Variants in RANBP10 observed in about 807,000 individuals in gnomAD.
The protein encoded by RANBP10 is ran-binding protein 10.
Under a neutral mutation model 72.8 loss-of-function variants are expected in RANBP10, and 24 were observed. That is an observed-to-expected ratio of 0.33 (90% CI 0.24 to 0.46). RANBP10 has a LOEUF of 0.46. Ranked by LOEUF, RANBP10 falls within the 20% of genes least tolerant of loss-of-function variation. RANBP10 has a pLI of 1.00. For missense variants in RANBP10, 679 were observed against 817.5 expected, an observed-to-expected ratio of 0.83 and a Z score of 2.07; for synonymous variants, 310 against 322.3, an observed-to-expected ratio of 0.96 and a Z score of 0.41.
At chr16:67,799,073 G>A (rs2055185637) in intron 2 of RANBP10, among the ~76,000 whole-genome samples, 1 of 149,878 alleles carries the variant, frequency 6.7e-6, no homozygotes, top group South Asian at 2.1e-4. Flanking sequence ...TTACAGGCAT[G>A]CACCACCACT....
At chr16:67,769,935 T>C (rs1156358408) in intron 3 of RANBP10, among the ~76,000 whole-genome samples, 2 of 151,166 alleles carry the variant, frequency 1.3e-5, no homozygotes, top group Non-Finnish European at 2.9e-5. Context: ...TATGGTAGCT[T>C]GTATCTGTAG....
At chr16:67,774,384 G>A (rs8049896) in intron 2 of RANBP10, among the ~76,000 whole-genome samples, 5,559 of 152,278 alleles carry the variant, frequency 0.037, 330 homozygotes, top group African/African-American at 0.13. Context: ...AACATTCTAT[G>A]GGAATGGGGA....
chr16:67,748,388 T>C (rs1042437699), intron 3 of RANBP10, among the ~76,000 whole-genome samples: 2 of 151,312 alleles, frequency 1.3e-5, no homozygotes, highest in African/African-American at 4.9e-5. Flanking sequence ...CCGGGCGTGG[T>C]GGCGGGCGCC....
At chr16:67,798,911 C>G (rs986155954) in intron 2 of RANBP10, among the ~76,000 whole-genome samples, 1 of 152,120 alleles carries the variant, frequency 6.6e-6, no homozygotes, top group Non-Finnish European at 1.5e-5. Flanking sequence ...TCCCTGGCCA[C>G]AGCATACAAG....
chr16:67,776,461 C>CAAAA (rs149876935), intron 2 of RANBP10, among the ~76,000 whole-genome samples: 56 of 37,890 alleles, frequency 1.5e-3, no homozygotes, highest in African/African-American at 2.4e-3. Flanking sequence ...GACTCCATCT[C>CAAAA]AAAAAAAAAA....
chr16:67,776,771 C>T (rs559279243), intron 2 of RANBP10, among the ~76,000 whole-genome samples: 3 of 73,314 alleles, frequency 4.1e-5, no homozygotes, highest in Non-Finnish European at 8.3e-5. Context: ...GACTTTGTCT[C>T]AAAAAAAAAA....
At chr16:67,751,520 G>C (rs1374882236) in intron 3 of RANBP10, among the ~76,000 whole-genome samples, 1 of 152,068 alleles carries the variant, frequency 6.6e-6, no homozygotes, top group Non-Finnish European at 1.5e-5. Context: ...AGCTACTTGG[G>C]AGGCTGAAGC....
Position 67,729,393 on chromosome 16 carries a change from C to G in RANBP10, c.1239G>C (p.Ser413=), listed in dbSNP as rs138394220. Residue 413 remains serine (S), a synonymous_variant, in exon 10 of 14, where the codon TCG becomes TCC. Coordinates refer to ENST00000317506, the MANE Select transcript of RANBP10 (RefSeq NM_020850.3). This position sits in a 1 kb window ranked among gnomAD's most constrained non-coding sequence, Gnocchi z 7.1. The part of the protein sequence containing the change: ...SKYPAPSSSS[S]SSSSSSSSSP... ...AAGAGGACGAGGAGGAGGAGGAGGA[C>G]GAGGATGAGGAGCTGGGTGCAGGGT... 3.9e-3 allele frequency: 6,298 copies of G among 1,612,054 alleles called. 15 individuals carry two copies. The highest frequency in any genetic ancestry group is 4.5e-3 in the South Asian group (406 of 90,902).
intron 2 of RANBP10, among the ~76,000 whole-genome samples, chr16:67,784,568 A>T (rs1331802040): frequency 1.3e-5 from 2 of 152,196 alleles, no homozygotes; most frequent in African/African-American, 4.8e-5. Flanking sequence ...AGGCAGGAGA[A>T]TCATTTGGAC....
At chr16:67,794,373 G>T (rs1031634223) in intron 2 of RANBP10, among the ~76,000 whole-genome samples, 1 of 151,582 alleles carries the variant, frequency 6.6e-6, no homozygotes. Flanking sequence ...GGGGGCGGAG[G>T]TTGGAGTGAG....
rs2053576789 is a variant in RANBP10, at chr16:67,725,124, G to A, written c.*1304C>T. The A allele has an allele frequency of 6.5e-6, 1 of 152,692 alleles. No homozygotes were observed. Among genetic ancestry groups the A allele is most frequent in the Non-Finnish European group, 1.5e-5 (1 of 68,078 alleles). 9.5% of individuals were successfully genotyped at this position (152,692 alleles called of 1,614,324 possible). Reference sequence around the variant, plus strand: ...AAACAGCTGGTGGGACATGTGTAAAGCTGATAGAGTCCCATTCTCTGGCCA... The same window carrying A: ...AAACAGCTGGTGGGACATGTGTAAAACTGATAGAGTCCCATTCTCTGGCCA... On this transcript the variant is annotated 3_prime_UTR_variant, in exon 14 of 14. Transcript: ENST00000317506.
intron 2 of RANBP10, among the ~76,000 whole-genome samples, chr16:67,780,626 T>A (rs1000708556): frequency 2.6e-5 from 4 of 152,154 alleles, no homozygotes; most frequent in Admixed American, 1.3e-4. Flanking sequence ...CAGCTGATAT[T>A]TGAAAAATGG....
chr16:67,800,734 C>T (rs1046626272), intron 2 of RANBP10, among the ~76,000 whole-genome samples: 2 of 152,176 alleles, frequency 1.3e-5, no homozygotes, highest in Non-Finnish European at 2.9e-5. Flanking sequence ...AGCTCAAACA[C>T]AGCCCCTCCT....
intron 2 of RANBP10, among the ~76,000 whole-genome samples, chr16:67,774,060 C>CA (rs1210667153): frequency 2.0e-5 from 3 of 152,170 alleles, no homozygotes; most frequent in African/African-American, 7.2e-5. Context: ...CAGAGGCTGC[C>CA]AAAAGTCAGT....
chr16:67,727,540 TG>T, intron 12 of RANBP10, 102 bp from the exon 13 acceptor site: 1 of 1,341,716 alleles, frequency 7.5e-7, no homozygotes, highest in Non-Finnish European at 1.0e-6. Context: ...ATGCCCAGCC[TG>T]GAATGTGGGG....
At position 67,770,586 on chromosome 16, in the gene RANBP10, T is replaced by C. The variant is rs547883841; in HGVS notation, c.400+1448A>G. 1.0e-3 allele frequency among the ~76,000 whole-genome samples: 152 copies of C among 152,324 alleles called. 2 individuals are homozygous for C. The highest frequency in any genetic ancestry group is 3.4e-3 in the Middle Eastern group (1 of 294). ...AAGAAAAAAACACAAGGACTTTTCCTGACCCCATGACGTGTCAGGGAAGCC... is the reference window on the plus strand; with the variant it reads ...AAGAAAAAAACACAAGGACTTTTCCCGACCCCATGACGTGTCAGGGAAGCC... On this transcript the variant is annotated intron_variant, in intron 3 of 13. Transcript: ENST00000317506.
At chr16:67,756,533 T>C (rs577701366) in intron 3 of RANBP10, among the ~76,000 whole-genome samples, 3 of 152,004 alleles carry the variant, frequency 2.0e-5, no homozygotes, top group Non-Finnish European at 4.4e-5. Context: ...TGAAACCTCG[T>C]CTCTACTAAA....
chr16:67,764,296 C>T (rs2143010696), intron 3 of RANBP10, among the ~76,000 whole-genome samples: 1 of 152,308 alleles, frequency 6.6e-6, no homozygotes, highest in African/African-American at 2.4e-5. Context: ...ACTTCTAAGA[C>T]AGCAGCGGCT....
intron 2 of RANBP10, among the ~76,000 whole-genome samples, chr16:67,791,779 A>G (rs1043970080): frequency 6.6e-6 from 1 of 152,152 alleles, no homozygotes; most frequent in Non-Finnish European, 1.5e-5. Flanking sequence ...TTACAAAATG[A>G]TCCTTGGAAG....
Sources: gnomAD v4.1 joint callset for allele counts (sites outside exome capture counted in the v4.1 genomes callset) on GRCh38, gnomAD v4.1.1 for gene constraint, Gnocchi (gnomAD v3.1) non-coding constraint, MANE v1.5 for transcripts, NCBI Gene and HGNC (gene_info 2026-07-23, HGNC 2026-07-21) for gene names.